Variants in CACNA1C observed in about 807,000 individuals in gnomAD.
The protein encoded by CACNA1C is voltage-dependent L-type calcium channel subunit alpha-1C.
A neutral mutation model predicts 229.0 loss-of-function variants in CACNA1C; 30 were observed. The ratio of observed to expected loss-of-function variants is 0.13; its 90% CI spans 0.10 to 0.18. The LOEUF (loss-of-function observed/expected upper bound fraction) is 0.18, where lower values mean the gene tolerates loss of function less well. Ranked by LOEUF, CACNA1C falls within the 10% of genes least tolerant of loss-of-function variation. The pLI, the probability that CACNA1C is intolerant of heterozygous loss-of-function variation, is 1.00. For missense variants in CACNA1C, 1,658 were observed against 2,845.0 expected, an observed-to-expected ratio of 0.58 and a Z score of 9.49; for synonymous variants, 1,114 against 1,132.5, an observed-to-expected ratio of 0.98 and a Z score of 0.33.
At chr12:2,270,122 G>A (rs2084212742) in intron 3 of CACNA1C, among the ~76,000 whole-genome samples, 1 of 152,146 alleles carries the variant, frequency 6.6e-6, no homozygotes, top group South Asian at 2.1e-4. Context: ...GGTGGAAGGG[G>A]TCTAGGGGAG....
At chr12:2,255,934 A>G (rs1167046974) in intron 3 of CACNA1C, among the ~76,000 whole-genome samples, 26 of 152,310 alleles carry the variant, frequency 1.7e-4, no homozygotes, top group South Asian at 4.1e-4. Context: ...CTAGTTTACA[A>G]CCACACGACC....
chr12:1,990,648 C>T (rs551150971), intron 1 of CACNA1C, among the ~76,000 whole-genome samples: 1 of 151,922 alleles, frequency 6.6e-6, no homozygotes, highest in Non-Finnish European at 1.5e-5. Context: ...ATACATAAGC[C>T]AATGTGAAAT....
chr12:2,112,090 A>G (rs2154131095), intron 1 of CACNA1C, among the ~76,000 whole-genome samples: 1 of 152,290 alleles, frequency 6.6e-6, no homozygotes, highest in South Asian at 2.1e-4. Context: ...AGGCAGGGGT[A>G]GAGTCTAGCA....
intron 3 of CACNA1C, among the ~76,000 whole-genome samples, chr12:2,310,352 A>ATATATATATAT (rs1555425896): frequency 4.3e-5 from 6 of 139,842 alleles, no homozygotes; most frequent in Middle Eastern, 7.2e-3. Flanking sequence ...TAAAAAAAAA[A>ATATATATATAT]ATATATATAT....
intron 5 of CACNA1C, among the ~76,000 whole-genome samples, chr12:2,458,883 C>T (rs953238305): frequency 5.3e-5 from 8 of 152,140 alleles, no homozygotes; most frequent in Non-Finnish European, 7.3e-5. Context: ...AATCATGTCT[C>T]CTGATTTCTA....
chr12:2,185,140 C>T (rs553671226), intron 3 of CACNA1C, among the ~76,000 whole-genome samples: 270 of 152,328 alleles, frequency 1.8e-3, no homozygotes, highest in African/African-American at 6.4e-3. Flanking sequence ...TTGTCTCTCT[C>T]GGGTTCCTAT....
intron 1 of CACNA1C, among the ~76,000 whole-genome samples, chr12:2,089,774 C>T (rs1402584290): frequency 6.6e-6 from 1 of 152,164 alleles, no homozygotes; most frequent in Non-Finnish European, 1.5e-5. Context: ...GTGGCTGACA[C>T]CTGTAATCCC....
intron 3 of CACNA1C, among the ~76,000 whole-genome samples, chr12:2,241,753 T>G (rs566582017): frequency 7.7e-4 from 118 of 152,270 alleles, no homozygotes; most frequent in African/African-American, 2.7e-3. Context: ...TGTGGAAAGA[T>G]CCCTCCCAAT....
chr12:2,069,808 T>G (rs374075105), intron 1 of CACNA1C, among the ~76,000 whole-genome samples: 3 of 152,204 alleles, frequency 2.0e-5, no homozygotes, highest in African/African-American at 7.2e-5. Flanking sequence ...ACTCAAATGC[T>G]TAAAGAGTCT....
chr12:2,682,432 T>C (rs558848021), intron 42 of CACNA1C, 118 bp from the exon 43 acceptor site: 10 of 1,200,694 alleles, frequency 8.3e-6, no homozygotes, highest in South Asian at 4.3e-5. Context: ...GTGTGTGTGC[T>C]TGTGTTTGTG....
intron 3 of CACNA1C, among the ~76,000 whole-genome samples, chr12:2,248,180 C>G (rs1266811699): frequency 6.6e-6 from 1 of 152,332 alleles, no homozygotes; most frequent in East Asian, 1.9e-4. Flanking sequence ...CTCTCCTATG[C>G]TGTGTTTACA....
chr12:2,049,859 C>T (rs2051814152), upstream of CACNA1C, among the ~76,000 whole-genome samples: 1 of 152,206 alleles, frequency 6.6e-6, no homozygotes, highest in Non-Finnish European at 1.5e-5. Context: ...CGAAAGAGCA[C>T]ACCCAGGGCT....
chr12:2,683,776 G>A (rs1007322409), intron 43 of CACNA1C, among the ~76,000 whole-genome samples: 3 of 152,200 alleles, frequency 2.0e-5, no homozygotes, highest in African/African-American at 7.2e-5. Flanking sequence ...GATGCTGGGG[G>A]GCTGTGCCAC....
At chr12:1,986,097 G>A (rs889770011) in intron 1 of CACNA1C, among the ~76,000 whole-genome samples, 2 of 152,260 alleles carry the variant, frequency 1.3e-5, no homozygotes, top group Non-Finnish European at 2.9e-5. Context: ...ACAGGCGTGA[G>A]CCACTGCGCC....
At chr12:2,474,042 G>GAA (rs76164705) in intron 5 of CACNA1C, among the ~76,000 whole-genome samples, 10 of 151,986 alleles carry the variant, frequency 6.6e-5, no homozygotes, top group East Asian at 5.8e-4. Flanking sequence ...GTATTTGCCA[G>GAA]AAAAAAAATC....
intron 3 of CACNA1C, among the ~76,000 whole-genome samples, chr12:2,250,697 G>A (rs559951499): frequency 1.4e-4 from 22 of 152,280 alleles, no homozygotes; most frequent in Admixed American, 4.6e-4. Context: ...TCATTGTGGT[G>A]ATGCCAGTGC....
chr12:2,288,993 AG>A lies in CACNA1C; in HGVS notation c.478-159980del, dbSNP rs148514411. On this transcript the variant is annotated intron_variant, in intron 3 of 46. Transcript: ENST00000399655. ...CTGTCAGGCTGCCGGTCGGGTTAAGAGGGTTCTCTCGTGCACTGTGGACCAA... is the reference window on the plus strand; with the variant it reads ...CTGTCAGGCTGCCGGTCGGGTTAAGAGGTTCTCTCGTGCACTGTGGACCAA... 12 of 152,370 alleles carry A rather than the reference AG, an allele frequency of 7.9e-5. No individual in the cohort carries two copies. In the East Asian group the frequency reaches 2.3e-3, roughly 29 times the overall value. 9.4% of individuals were successfully genotyped at this position (152,370 alleles called of 1,614,324 possible).
At chr12:2,048,233 G>A (rs2051419389), upstream of CACNA1C, 1 of 152,210 alleles carries the variant, frequency 6.6e-6, no homozygotes, top group African/African-American at 2.4e-5. Context: ...TAGTGAAGTT[G>A]ACCTAATGCA....
intron 1 of CACNA1C, among the ~76,000 whole-genome samples, chr12:2,062,961 C>T (rs1189412490): frequency 4.6e-5 from 7 of 151,984 alleles, no homozygotes; most frequent in Non-Finnish European, 1.5e-5. Flanking sequence ...ATTCGCATAC[C>T]GTAAAATTTA....
Sources: gnomAD v4.1 joint callset for allele counts (sites outside exome capture counted in the v4.1 genomes callset) on GRCh38, gnomAD v4.1.1 for gene constraint, MANE v1.5 for transcripts, NCBI Gene and HGNC (gene_info 2026-07-23, HGNC 2026-07-21) for gene names.